Variants in FGF14 observed in about 807,000 individuals in gnomAD.
FGF14 encodes fibroblast growth factor 14, also known as fibroblast growth factor homologous factor 4.
Under a neutral mutation model 25.5 loss-of-function variants are expected in FGF14, and 5 were observed. The ratio of observed to expected loss-of-function variants is 0.20; its 90% CI spans 0.10 to 0.41. FGF14 has a LOEUF of 0.41. FGF14 is among the 10% of genes least tolerant of loss of function. FGF14 has a pLI of 1.00. For missense variants in FGF14, 222 were observed against 320.1 expected (o/e 0.69, Z 2.34); for synonymous variants, 138 against 118.3 (o/e 1.17, Z -1.08).
At chr13:102,265,106 T>C (rs944448801) in intron 1 of FGF14, among the ~76,000 whole-genome samples, 4 of 152,176 alleles carry the variant, frequency 2.6e-5, no homozygotes, top group African/African-American at 9.6e-5. Flanking sequence ...CAATTTAAAA[T>C]GCCTTTTCTC....
At chr13:102,355,819 T>C (rs1284610100) in intron 1 of FGF14, among the ~76,000 whole-genome samples, 3 of 152,106 alleles carry the variant, frequency 2.0e-5, no homozygotes, top group African/African-American at 7.2e-5. Context: ...TTCGATTAAT[T>C]TTTCTAAAAA....
chr13:102,288,383 T>C (rs992125680), intron 1 of FGF14, among the ~76,000 whole-genome samples: 2 of 152,146 alleles, frequency 1.3e-5, no homozygotes, highest in African/African-American at 4.8e-5. Flanking sequence ...TACTATTCCA[T>C]AATAATATTC....
At chr13:102,254,008 G>T (rs2052325268) in intron 1 of FGF14, among the ~76,000 whole-genome samples, 1 of 152,112 alleles carries the variant, frequency 6.6e-6, no homozygotes, top group Admixed American at 6.5e-5. Flanking sequence ...ACTAATACAG[G>T]TCAAGTGAAG....
chr13:102,378,625 ATCTATC>A (rs1174303747), intron 1 of FGF14, among the ~76,000 whole-genome samples: 113 of 137,662 alleles, frequency 8.2e-4, no homozygotes, highest in East Asian at 1.6e-3. Flanking sequence ...CTATCTATCT[ATCTATC>A]TATATATATA....
At chr13:102,336,840 A>G (rs142250933) in intron 1 of FGF14, among the ~76,000 whole-genome samples, 2 of 152,332 alleles carry the variant, frequency 1.3e-5, no homozygotes, top group Non-Finnish European at 2.9e-5. Context: ...CTATAAATAG[A>G]ACAATAAAGC....
chr13:101,971,353 C>G (rs903865392), intron 1 of FGF14, among the ~76,000 whole-genome samples: 5 of 150,886 alleles, frequency 3.3e-5, no homozygotes, highest in African/African-American at 9.8e-5. Flanking sequence ...TAAATTATCT[C>G]TTCAAGGTCT....
At chr13:102,276,672 A>G (rs193214679) in intron 1 of FGF14, among the ~76,000 whole-genome samples, 1 of 152,146 alleles carries the variant, frequency 6.6e-6, no homozygotes, top group African/African-American at 2.4e-5. Flanking sequence ...CAGTATAAAC[A>G]AACTACAAAG....
At chr13:101,959,229 T>G (rs2036693210) in intron 1 of FGF14, among the ~76,000 whole-genome samples, 1 of 152,164 alleles carries the variant, frequency 6.6e-6, no homozygotes, top group Non-Finnish European at 1.5e-5. Flanking sequence ...CCGGCGGTCA[T>G]GCTCCTCAGC....
At chr13:102,297,379 A>G (rs947146810) in intron 1 of FGF14, among the ~76,000 whole-genome samples, 53 of 152,268 alleles carry the variant, frequency 3.5e-4, no homozygotes, top group Middle Eastern at 3.4e-3. Context: ...GGAACAGGAA[A>G]AGGACATTAG....
chr13:102,040,008 G>A (rs2041654787), intron 1 of FGF14, among the ~76,000 whole-genome samples: 1 of 151,850 alleles, frequency 6.6e-6, no homozygotes, highest in South Asian at 2.1e-4. Context: ...CATGCATCAC[G>A]TTCCAGGGCT....
intron 1 of FGF14, among the ~76,000 whole-genome samples, chr13:102,149,645 C>T (rs2046995494): frequency 1.3e-5 from 2 of 152,178 alleles, no homozygotes; most frequent in African/African-American, 2.4e-5. Flanking sequence ...GGAGACTTTC[C>T]ACTTGACTGA....
chr13:102,214,106 C>A (rs2050269480), intron 1 of FGF14, among the ~76,000 whole-genome samples: 1 of 152,208 alleles, frequency 6.6e-6, no homozygotes, highest in African/African-American at 2.4e-5. Flanking sequence ...CTTAGCCTAA[C>A]CTTTTCCTTT....
intron 1 of FGF14, among the ~76,000 whole-genome samples, chr13:101,950,007 C>CT (rs531514267): frequency 2.0e-3 from 296 of 150,868 alleles, no homozygotes; most frequent in Non-Finnish European, 3.5e-3. Context: ...TTTTCTTTTT[C>CT]TTTTTTTTTC....
At chr13:101,984,371 C>T (rs905743134) in intron 1 of FGF14, among the ~76,000 whole-genome samples, 6 of 152,030 alleles carry the variant, frequency 3.9e-5, no homozygotes, top group Non-Finnish European at 7.4e-5. Context: ...GAACATTAAA[C>T]AATATTGATA....
chr13:102,185,229 A>G, intron 1 of FGF14, among the ~76,000 whole-genome samples: 1 of 152,152 alleles, frequency 6.6e-6, no homozygotes, highest in African/African-American at 2.4e-5. Context: ...CATAATCATC[A>G]TAATAAGAAA....
At chr13:102,352,252 C>T (rs1458293011) in intron 1 of FGF14, among the ~76,000 whole-genome samples, 13 of 131,552 alleles carry the variant, frequency 9.9e-5, no homozygotes, top group Non-Finnish European at 1.6e-4. Context: ...TACACACACA[C>T]ACACACACAC....
chr13:101,886,385 C>T (rs1483916258), intron 1 of FGF14, among the ~76,000 whole-genome samples: 1 of 152,056 alleles, frequency 6.6e-6, no homozygotes, highest in Non-Finnish European at 1.5e-5. Flanking sequence ...AGAAATGAAT[C>T]CACACATTTT....
At chr13:102,293,874 G>C (rs977937898) in intron 1 of FGF14, 3 of 152,168 alleles carry the variant, frequency 2.0e-5, no homozygotes, top group African/African-American at 4.8e-5. Flanking sequence ...TTTGGCATCA[G>C]CTGATGATAG....
At chr13:102,178,072 C>T (rs1010300296) in intron 1 of FGF14, among the ~76,000 whole-genome samples, 1 of 152,072 alleles carries the variant, frequency 6.6e-6, no homozygotes, top group Admixed American at 6.6e-5. Flanking sequence ...ACCTCCAGCA[C>T]AAACATAGCA....
Sources: allele counts gnomAD v4.1 joint callset (sites outside exome capture counted in the v4.1 genomes callset), GRCh38; gene constraint gnomAD v4.1.1; transcripts MANE v1.5; gene names NCBI Gene and HGNC (gene_info 2026-07-23, HGNC 2026-07-21).